Variants in ITPK1 observed in about 807,000 individuals in gnomAD.
ITPK1 encodes the protein inositol 1,3,4-trisphosphate 5/6-kinase.
Under a neutral mutation model 45.3 loss-of-function variants are expected in ITPK1, and 21 were observed. The ratio of observed to expected loss-of-function variants is 0.46; its 90% CI spans 0.33 to 0.67. ITPK1 has a LOEUF of 0.67. Among genes scored for constraint, ITPK1 ranks in the 30% least tolerant of loss-of-function variants. ITPK1 has a pLI of 0.02. For missense variants in ITPK1, 474 were observed against 573.5 expected (o/e 0.83, Z 1.77); for synonymous variants, 258 against 253.6 (o/e 1.02, Z -0.16).
chr14:93,023,125 C>T (rs1175512385), intron 3 of ITPK1, among the ~76,000 whole-genome samples: 1 of 152,144 alleles, frequency 6.6e-6, no homozygotes, highest in Non-Finnish European at 1.5e-5. Context: ...TGTGATCTGC[C>T]CGCCTTGGCC....
chr14:93,098,226 A>G (rs1301994457), intron 2 of ITPK1, among the ~76,000 whole-genome samples: 1 of 151,776 alleles, frequency 6.6e-6, no homozygotes, highest in Non-Finnish European at 1.5e-5. Context: ...GGAGGCCAAG[A>G]CAGGCAGATC....
chr14:92,975,898 A>C (rs1194228445), intron 5 of ITPK1, among the ~76,000 whole-genome samples: 14 of 152,118 alleles, frequency 9.2e-5, no homozygotes, highest in African/African-American at 2.9e-4. Context: ...GGAGGCGGTT[A>C]CTTCCATGCT....
At chr14:93,097,168 ACT>A (rs1305525435) in intron 2 of ITPK1, among the ~76,000 whole-genome samples, 1 of 151,904 alleles carries the variant, frequency 6.6e-6, no homozygotes, top group Non-Finnish European at 1.5e-5. Flanking sequence ...CGGATCACAC[ACT>A]CTGTGTGCAG....
At chr14:93,061,484 G>C (rs747552406) in intron 3 of ITPK1, among the ~76,000 whole-genome samples, 1 of 152,206 alleles carries the variant, frequency 6.6e-6, no homozygotes, top group Non-Finnish European at 1.5e-5. Flanking sequence ...TGGGCAGAGA[G>C]AGTGGGTCTG....
chr14:92,971,904 C>A (rs74353820), intron 5 of ITPK1, among the ~76,000 whole-genome samples: 2,752 of 152,294 alleles, frequency 0.018, 73 homozygotes, highest in Admixed American at 0.08. Context: ...GCCTGGTACC[C>A]ACCAGCACAG....
In ITPK1 at chr14:92,996,375, T is replaced by C. The variant is rs573124891; in HGVS notation, c.247-2378A>G. 2.4e-3 allele frequency among the ~76,000 whole-genome samples: 352 copies of C among 147,742 alleles called. 2 individuals are homozygous for C. Among genetic ancestry groups the C allele is most frequent in the African/African-American group, 8.1e-3 (323 of 39,796 alleles). ...GCATGTTCTCACTCATAGGTGGGAA[T>C]TGAACAATGAGAACACTTGGACACA... is the stretch of plus-strand genomic sequence containing the variant. On this transcript the variant is annotated intron_variant, in intron 4 of 10. Coordinates refer to ENST00000267615, the MANE Select transcript of ITPK1 (RefSeq NM_014216.6).
chr14:92,963,754 G>C (rs1885206620), intron 5 of ITPK1, among the ~76,000 whole-genome samples: 1 of 152,224 alleles, frequency 6.6e-6, no homozygotes, highest in African/African-American at 2.4e-5. Context: ...TTTTTTGTGG[G>C]ATAACAAAAT....
chr14:93,085,410 G>A (rs566252516), intron 2 of ITPK1, among the ~76,000 whole-genome samples: 5 of 152,242 alleles, frequency 3.3e-5, no homozygotes, highest in South Asian at 2.1e-4. Context: ...AAGTCCGGGC[G>A]CCCCTCAGTG....
intron 3 of ITPK1, among the ~76,000 whole-genome samples, chr14:93,023,298 C>T (rs1888563897): frequency 6.6e-6 from 1 of 152,210 alleles, no homozygotes; most frequent in African/African-American, 2.4e-5. Flanking sequence ...ATGCCGTTTC[C>T]TGGGCAGAGC....
In ITPK1 at chr14:93,078,192, C is replaced by T. The variant is rs114811597; in HGVS notation, c.96-1573G>A. Among the ~76,000 whole-genome samples the T allele has an allele frequency of 1.2e-3, 185 of 152,326 alleles. 2 individuals are homozygous for T. The highest frequency in any genetic ancestry group is 4.2e-3 in the African/African-American group (176 of 41,582). ...CTCCACAGTCTGGGCCCTTGAGAGG[C>T]TCAAGGTCTTAGGGAGGAGATGGGC... is the stretch of plus-strand genomic sequence containing the variant. On this transcript the variant is annotated intron_variant, in intron 2 of 10. Transcript: ENST00000267615.
intron 4 of ITPK1, among the ~76,000 whole-genome samples, chr14:93,006,441 C>A (rs1402319854): frequency 6.6e-6 from 1 of 152,204 alleles, no homozygotes; most frequent in Non-Finnish European, 1.5e-5. Flanking sequence ...CTGTGTGGGG[C>A]GGAGCAGGGC....
intron 9 of ITPK1, among the ~76,000 whole-genome samples, chr14:92,949,516 C>A (rs1321173284): frequency 6.6e-6 from 1 of 152,230 alleles, no homozygotes; most frequent in African/African-American, 2.4e-5. Flanking sequence ...GTCAGAGAGA[C>A]CCTGGTGGAT....
Position 92,993,815 on chromosome 14 carries a change from C to T in ITPK1, c.364+65G>A, listed in dbSNP as rs1033554748. The T allele has an allele frequency of 2.7e-5, 27 of 1,004,462 alleles. 1 individual carries two copies. Among genetic ancestry groups the T allele is most frequent in the South Asian group, 1.0e-4 (8 of 78,556 alleles). The allele number at this position is 1,004,462 out of a possible 1,614,324, so 62.2% of individuals were successfully genotyped here. ...ACCCCTCTGTCTCCACACCTCAGGC[C>T]GTGGCCACTTTGTGACCACAAAGGT... On this transcript the variant is annotated intron_variant, in intron 5 of 10. Coordinates refer to ENST00000267615, the MANE Select transcript of ITPK1 (RefSeq NM_014216.6).
chr14:93,086,512 T>C (rs1208613316), intron 2 of ITPK1, among the ~76,000 whole-genome samples: 2 of 152,258 alleles, frequency 1.3e-5, no homozygotes, highest in Admixed American at 6.5e-5. Context: ...TGTCACGCAC[T>C]GGGCTGGCCT....
At chr14:93,009,255 G>A (rs1273527894) in intron 4 of ITPK1, among the ~76,000 whole-genome samples, 1 of 152,194 alleles carries the variant, frequency 6.6e-6, no homozygotes, top group Non-Finnish European at 1.5e-5. Context: ...TAAAACTTTG[G>A]GGAAAATGTA....
intron 8 of ITPK1, among the ~76,000 whole-genome samples, chr14:92,955,417 C>A (rs1258976119): frequency 6.6e-6 from 1 of 152,186 alleles, no homozygotes; most frequent in East Asian, 1.9e-4. Context: ...GGAGCCTGCG[C>A]TGCGTCCTCA....
chr14:93,045,516 A>G (rs1488781022), intron 3 of ITPK1, among the ~76,000 whole-genome samples: 3 of 152,090 alleles, frequency 2.0e-5, no homozygotes, highest in African/African-American at 7.2e-5. Flanking sequence ...AACCAATTAG[A>G]TGGCACGTGC....
At chr14:92,972,452 G>A (rs113524939) in intron 5 of ITPK1, among the ~76,000 whole-genome samples, 1 of 152,346 alleles carries the variant, frequency 6.6e-6, no homozygotes, top group African/African-American at 2.4e-5. Flanking sequence ...GGAGGCCTCA[G>A]AAGAAGCTAA....
Position 92,962,401 on chromosome 14 carries a change from G to A in ITPK1, c.464-6C>T. 1.2e-6 allele frequency: 2 copies of A among 1,602,130 alleles called. No individual in the cohort carries two copies. Among genetic ancestry groups the A allele is most frequent in the South Asian group, 1.1e-5 (1 of 90,834 alleles). ...AGCCACTCTGGTTTTGCAAACTATG[G>A]GTTGGGGAGAGAAAAGCAGAGAGAA... On this transcript the variant is annotated splice_region_variant and splice_polypyrimidine_tract_variant and intron_variant, in intron 6 of 10. Coordinates refer to ENST00000267615, the MANE Select transcript of ITPK1 (RefSeq NM_014216.6).
Sources: gnomAD v4.1 joint callset for allele counts (sites outside exome capture counted in the v4.1 genomes callset) on GRCh38, gnomAD v4.1.1 for gene constraint, MANE v1.5 for transcripts, NCBI Gene and HGNC (gene_info 2026-07-23, HGNC 2026-07-21) for gene names.